Variants in PCDHGA5 observed in about 807,000 individuals in gnomAD.
The protein encoded by PCDHGA5 is protocadherin gamma subfamily A, 5.
PCDHGA5 carries 36 observed loss-of-function variants against 56.7 expected under a neutral mutation model. The ratio of observed to expected loss-of-function variants is 0.64; its 90% CI spans 0.49 to 0.84. The LOEUF (loss-of-function observed/expected upper bound fraction) is 0.84, where lower values mean the gene tolerates loss of function less well. PCDHGA5 is among the 40% of genes least tolerant of loss of function. PCDHGA5 has a pLI of 0.00. For synonymous variants in PCDHGA5, 563 were observed against 520.2 expected (o/e 1.08, Z -1.12); for missense variants, 1,305 against 1,201.5 (o/e 1.09, Z -1.27).
chr5:141,485,714 G>C lies in PCDHGA5; in HGVS notation c.2422-9093G>C, dbSNP rs896709540. 6.2e-7 allele frequency: 1 copy of C among 1,614,064 alleles called. No homozygotes were observed. Among genetic ancestry groups the C allele is most frequent in the Non-Finnish European group, 8.5e-7 (1 of 1,180,050 alleles). On this transcript the variant is annotated intron_variant, in intron 1 of 3. Coordinates refer to ENST00000518069, the MANE Select transcript of PCDHGA5 (RefSeq NM_018918.3). The surrounding 1 kb of genome is among the most constrained non-coding windows in gnomAD (Gnocchi z 5.7). The stretch of plus-strand genomic sequence containing the variant: ...GAGCTCCAATGAACACTTTGCACTG[G>C]ATGTGAAGAAGCGCAGCGACGGCAG...
intron 1 of PCDHGA5, chr5:141,419,724 G>A (rs200134846): frequency 1.9e-4 from 301 of 1,613,488 alleles, no homozygotes; most frequent in South Asian, 1.2e-3. Context: ...CTGGGGCTGC[G>A]AACAGGCGAG....
intron 1 of PCDHGA5, chr5:141,418,934 G>T (rs1163951447): frequency 6.2e-7 from 1 of 1,614,056 alleles, no homozygotes; most frequent in African/African-American, 1.3e-5. Context: ...GATTATGGAG[G>T]ATTCCCCTCC....
rs1195194477 is a variant in PCDHGA5, at chr5:141,432,620, C to G, written c.2422-62187C>G. On this transcript the variant is annotated intron_variant, in intron 1 of 3. Transcript: ENST00000518069. The surrounding 1 kb of genome is among the most constrained non-coding windows in gnomAD (Gnocchi z 6.0). ...CGAGCCGGGACTCTTCTCGGTGGGTCTGCACACGGGCGAGGTGCGCACGGC... is the reference window on the plus strand; with the variant it reads ...CGAGCCGGGACTCTTCTCGGTGGGTGTGCACACGGGCGAGGTGCGCACGGC... 6 of 1,613,190 alleles carry G rather than the reference C, an allele frequency of 3.7e-6. No individual in the cohort carries two copies. Among genetic ancestry groups the G allele is most frequent in the Admixed American group, 1.7e-5 (1 of 59,978 alleles).
chr5:141,391,882 A>C (rs2092435224), intron 1 of PCDHGA5: 1 of 152,226 alleles, frequency 6.6e-6, no homozygotes, highest in Middle Eastern at 3.2e-3. Flanking sequence ...CTTTGGTGAA[A>C]GGGATGGGAT....
At chr5:141,400,233 C>A (rs373858401) in intron 1 of PCDHGA5, 2 of 1,613,988 alleles carry the variant, frequency 1.2e-6, no homozygotes, top group African/African-American at 1.3e-5. Flanking sequence ...TCCTCCTGGC[C>A]GTGATTCTGG....
intron 1 of PCDHGA5, chr5:141,409,350 G>T: frequency 6.2e-7 from 1 of 1,613,922 alleles, no homozygotes; most frequent in Non-Finnish European, 8.5e-7. Context: ...GGAGAAGTCA[G>T]GTGTAATATA....
chr5:141,495,921 T>C (rs959070876), intron 2 of PCDHGA5, among the ~76,000 whole-genome samples: 1 of 152,196 alleles, frequency 6.6e-6, no homozygotes, highest in Non-Finnish European at 1.5e-5. Context: ...TCTTTCTTTG[T>C]CTCTGTCTCT....
chr5:141,410,826 G>T, intron 1 of PCDHGA5: 4 of 379,152 alleles, frequency 1.1e-5, no homozygotes, highest in Non-Finnish European at 9.0e-6. Flanking sequence ...AATGTCACCA[G>T]ACTGAAGATA....
chr5:141,396,477 A>C (rs920260792), intron 1 of PCDHGA5: 1 of 152,040 alleles, frequency 6.6e-6, no homozygotes, highest in Non-Finnish European at 1.5e-5. Context: ...AAAATTAGCC[A>C]GGCATGGTGG....
chr5:141,430,110 C>T (rs919470038), intron 1 of PCDHGA5, among the ~76,000 whole-genome samples: 1 of 152,060 alleles, frequency 6.6e-6, no homozygotes, highest in Admixed American at 6.5e-5. Flanking sequence ...CGTTACATGT[C>T]AACAACCTGG....
chr5:141,430,583 C>A, intron 1 of PCDHGA5: 1 of 490,378 alleles, frequency 2.0e-6, no homozygotes, highest in Non-Finnish European at 3.4e-6. Flanking sequence ...AGATCCTGCT[C>A]GCCTTGCACG....
chr5:141,481,877 G>A (rs535267598), intron 1 of PCDHGA5, among the ~76,000 whole-genome samples: 4 of 144,402 alleles, frequency 2.8e-5, no homozygotes, highest in African/African-American at 7.8e-5. Context: ...TCGCGCCACT[G>A]CACTCCAGCC....
At chr5:141,423,707 G>A in intron 1 of PCDHGA5, 1 of 1,164,238 alleles carries the variant, frequency 8.6e-7, no homozygotes, top group Non-Finnish European at 1.1e-6. Flanking sequence ...CTTGGCACAA[G>A]TCTTTTAAGG....
Position 141,366,742 on chromosome 5 carries a change from G to T in PCDHGA5, c.2412G>T (p.Arg804=), listed in dbSNP as rs762560261. 1.2e-6 allele frequency: 2 copies of T among 1,611,864 alleles called. No homozygotes were observed. The highest frequency in any genetic ancestry group is 2.2e-5 in the East Asian group (1 of 44,838). The change falls in exon 1 of 4, where the codon CGG becomes CGT. Residue 804 remains arginine (R), a synonymous_variant. Coordinates refer to ENST00000518069, the MANE Select transcript of PCDHGA5 (RefSeq NM_018918.3). ...AGGTAGATGCAAACAAAGAAGAACG[G>T]CGAGTTCAGGTTAGTTTTCTCTTTC... ...SDKVDANKEE[R]RVQQAPPNTD...
intron 1 of PCDHGA5, chr5:141,413,935 A>T: frequency 6.2e-7 from 1 of 1,613,372 alleles, no homozygotes; most frequent in Non-Finnish European, 8.5e-7. Flanking sequence ...ATACCGAGTG[A>T]GTGTTCCTGA....
chr5:141,499,054 TGAA>T (rs2099789231), intron 2 of PCDHGA5, among the ~76,000 whole-genome samples: 1 of 150,820 alleles, frequency 6.6e-6, no homozygotes, highest in Non-Finnish European at 1.5e-5. Context: ...GGAGAAAAAA[TGAA>T]GAAGACTTAC....
At chr5:141,385,287 T>C in intron 1 of PCDHGA5, 1 of 1,613,408 alleles carries the variant, frequency 6.2e-7, no homozygotes, top group Non-Finnish European at 8.5e-7. Flanking sequence ...CATCCGTAGA[T>C]TTTCAGGAAT....
chr5:141,410,640 G>A (rs747132686), intron 1 of PCDHGA5: 1 of 1,599,056 alleles, frequency 6.3e-7, no homozygotes, highest in Non-Finnish European at 8.5e-7. Flanking sequence ...TCTTTTTTGT[G>A]TGTGATTTAT....
At chr5:141,380,894 AT>A (rs1776829006) in intron 1 of PCDHGA5, among the ~76,000 whole-genome samples, 1 of 152,262 alleles carries the variant, frequency 6.6e-6, no homozygotes, top group Admixed American at 6.5e-5. Context: ...TTGTTTGAAA[AT>A]ATCTACAAGT....
Sources: allele counts gnomAD v4.1 joint callset (sites outside exome capture counted in the v4.1 genomes callset), GRCh38; gene constraint gnomAD v4.1.1; non-coding constraint Gnocchi (gnomAD v3.1); transcripts MANE v1.5; gene names NCBI Gene and HGNC (gene_info 2026-07-23, HGNC 2026-07-21).